The following HHIPL1 variants were observed in gnomAD, a reference collection of about 807,000 sequenced individuals.
HHIPL1 encodes HHIP-like protein 1.
In HHIPL1, 43 loss-of-function variants were observed where a neutral mutation model predicts 61.8. The observed-to-expected ratio is 0.70, with a 90% CI of 0.55 to 0.90. The LOEUF is 0.90. Among genes scored for constraint, HHIPL1 ranks in the 40% least tolerant of loss-of-function variants. The pLI is 0.00. For synonymous variants in HHIPL1, 482 were observed against 515.8 expected (o/e 0.93, Z 0.89); for missense variants, 1,056 against 1,157.7 (o/e 0.91, Z 1.28).
rs750868366 is a variant in HHIPL1 at position 99,652,817 on chromosome 14, C to T, written c.849C>T (p.Ser283=). 23 of 1,613,998 alleles carry T rather than the reference C, an allele frequency of 1.4e-5. No homozygotes were observed. The highest frequency in any genetic ancestry group is 3.3e-4 in the Middle Eastern group (2 of 6,084). Residue 283 remains serine (S), a synonymous_variant, in exon 2 of 9, where the codon AGC becomes AGT. Transcript: ENST00000330710. ...GCAGCAGTGAGTGGATCCGCATCAG[C>T]GAGTTCAGAGTCTCCGAGGATGACG... is the stretch of plus-strand genomic sequence containing the variant. ...GIRSSEWIRI[S]EFRVSEDDEN...
chr14:99,664,284 T>C (rs923477627), intron 6 of HHIPL1, among the ~76,000 whole-genome samples: 3 of 152,206 alleles, frequency 2.0e-5, no homozygotes, highest in Non-Finnish European at 4.4e-5. Context: ...GAAACCTTTG[T>C]TGAACCGTCA....
upstream of HHIPL1, among the ~76,000 whole-genome samples, chr14:99,644,287 G>A (rs112647542): frequency 1.7e-3 from 253 of 152,318 alleles, 1 homozygote; most frequent in African/African-American, 6.0e-3. Flanking sequence ...GATGGGGAAG[G>A]ACACTCCAGG....
chr14:99,606,922 G>A, the HHIPL1 span, among the ~76,000 whole-genome samples: 3 of 151,966 alleles, frequency 2.0e-5, no homozygotes, highest in African/African-American at 4.8e-5. Context: ...GCCCCCTCCC[G>A]GAGGGCCCAT....
chr14:99,660,276 G>T lies in HHIPL1; in HGVS notation c.1376-4G>T, dbSNP rs1185811260. ...CCGAAGCTTCTCTCCCTCCCACCCCGCAGATGACTTGCTGCCGATTTTCGC... is the reference window on the plus strand; with the variant it reads ...CCGAAGCTTCTCTCCCTCCCACCCCTCAGATGACTTGCTGCCGATTTTCGC... On this transcript the variant is annotated splice_region_variant and splice_polypyrimidine_tract_variant and intron_variant, in intron 4 of 8. Coordinates refer to ENST00000330710, the MANE Select transcript of HHIPL1 (RefSeq NM_001127258.3). This position sits in a 1 kb window ranked among gnomAD's most constrained non-coding sequence, Gnocchi z 4.9. 2 of 1,611,958 alleles carry T rather than the reference G, an allele frequency of 1.2e-6. No homozygotes were observed. Among genetic ancestry groups the T allele is most frequent in the Admixed American group, 1.7e-5 (1 of 59,936 alleles).
At chr14:99,606,760 G>A in the HHIPL1 span, among the ~76,000 whole-genome samples, 14,205 of 152,228 alleles carry the variant, frequency 0.093, 712 homozygotes, top group Admixed American at 0.1. Flanking sequence ...CAAGGTGCTA[G>A]TGGTGGTGGT....
the HHIPL1 span, among the ~76,000 whole-genome samples, chr14:99,631,086 T>TTCTC: frequency 6.8e-6 from 1 of 146,724 alleles, no homozygotes; most frequent in East Asian, 2.0e-4. Flanking sequence ...CTTTCTTTCT[T>TTCTC]TCTTTCTTTC....
At chr14:99,670,238 A>C (rs9324011) in intron 7 of HHIPL1, among the ~76,000 whole-genome samples, 86,180 of 151,824 alleles carry the variant, frequency 0.57, 24,917 homozygotes, top group South Asian at 0.71. Context: ...CAGCCTCCCG[A>C]GTAGCTGGGA....
the HHIPL1 span, among the ~76,000 whole-genome samples, chr14:99,622,155 C>T: frequency 6.6e-6 from 1 of 152,234 alleles, no homozygotes; most frequent in Non-Finnish European, 1.5e-5. Flanking sequence ...CTGTTGGTTT[C>T]AGTCTCTGGT....
rs1595174108 is a variant in HHIPL1 at position 99,675,685 on chromosome 14, C to T, written c.*59C>T. On this transcript the variant is annotated 3_prime_UTR_variant, in exon 9 of 9. Coordinates refer to ENST00000330710, the MANE Select transcript of HHIPL1 (RefSeq NM_001127258.3). This position sits in a 1 kb window ranked among gnomAD's most constrained non-coding sequence, Gnocchi z 5.4. ...CGGGGGAGCCTGGCAGGGGCCGCTC[C>T]GCCCTGTGTGCGCCCAGCGGGTGCA... The T allele has an allele frequency of 4.9e-6, 7 of 1,431,240 alleles. No individual in the cohort carries two copies. The highest frequency in any genetic ancestry group is 2.9e-5 in the South Asian group (2 of 69,740). 88.7% of individuals were successfully genotyped at this position (1,431,240 alleles called of 1,614,324 possible).
At chr14:99,659,375 G>T in intron 3 of HHIPL1, 53 bp from the exon 4 acceptor site, 2 of 1,335,300 alleles carry the variant, frequency 1.5e-6, no homozygotes, top group Non-Finnish European at 1.9e-6. Flanking sequence ...CGGAGCCCGT[G>T]AGCCCTGGCT....
intron 1 of HHIPL1, among the ~76,000 whole-genome samples, chr14:99,649,151 T>C (rs2055887389): frequency 6.6e-6 from 1 of 152,108 alleles, no homozygotes; most frequent in African/African-American, 2.4e-5. Flanking sequence ...TAAGTAAGAG[T>C]ACATAGGCCA....
intron 3 of HHIPL1, 78 bp from the exon 4 acceptor site, chr14:99,659,350 C>T: frequency 1.6e-6 from 2 of 1,215,750 alleles, no homozygotes; most frequent in Non-Finnish European, 2.2e-6. Context: ...AGCCGGCGCC[C>T]CAGCACCTGC....
the HHIPL1 span, among the ~76,000 whole-genome samples, chr14:99,618,341 C>A: frequency 8.5e-5 from 13 of 152,314 alleles, no homozygotes; most frequent in African/African-American, 3.1e-4. Flanking sequence ...GGAAGGTCCA[C>A]CCAGGCCTGA....
the HHIPL1 span, among the ~76,000 whole-genome samples, chr14:99,627,130 A>G: frequency 1.3e-5 from 2 of 151,284 alleles, no homozygotes; most frequent in Non-Finnish European, 2.9e-5. The surrounding 1 kb of genome is among the most constrained non-coding windows in gnomAD (Gnocchi z 4.4). Flanking sequence ...CCATCCATCC[A>G]CCCACCTACC....
intron 5 of HHIPL1, among the ~76,000 whole-genome samples, chr14:99,662,488 T>C (rs1455107501): frequency 2.0e-5 from 3 of 152,192 alleles, no homozygotes; most frequent in Non-Finnish European, 4.4e-5. Flanking sequence ...CAAGCCGGTC[T>C]TGTTCGTTCC....
the HHIPL1 span, among the ~76,000 whole-genome samples, chr14:99,621,718 T>TTC: frequency 3.0e-5 from 4 of 132,938 alleles, no homozygotes; most frequent in East Asian, 2.1e-4. Flanking sequence ...TCTTTTTTTT[T>TTC]TTTTTTTTTT....
chr14:99,631,801 G>A, the HHIPL1 span, among the ~76,000 whole-genome samples: 12 of 152,146 alleles, frequency 7.9e-5, no homozygotes, highest in East Asian at 3.9e-4. Context: ...GCCCTATCCC[G>A]CCCTCAACTC....
At chr14:99,661,722 C>T (rs951363277) in intron 5 of HHIPL1, among the ~76,000 whole-genome samples, 3 of 152,176 alleles carry the variant, frequency 2.0e-5, no homozygotes, top group African/African-American at 7.2e-5. Context: ...GCTTTGGCCT[C>T]CCAAAGTGCT....
chr14:99,645,869 T>A (rs1727367658), intron 1 of HHIPL1, among the ~76,000 whole-genome samples: 1 of 152,078 alleles, frequency 6.6e-6, no homozygotes, highest in Admixed American at 6.5e-5. Flanking sequence ...AGTGCTCCTT[T>A]GTGTTGTCCC....
Sources: allele counts gnomAD v4.1 joint callset (sites outside exome capture counted in the v4.1 genomes callset), GRCh38; gene constraint gnomAD v4.1.1; non-coding constraint Gnocchi (gnomAD v3.1); transcripts MANE v1.5; gene names NCBI Gene and HGNC (gene_info 2026-07-23, HGNC 2026-07-21).